The following ZNF667 variants were observed in gnomAD, a reference collection of about 807,000 sequenced individuals.
The protein encoded by ZNF667 is myocardial ischemic preconditioning upregulated 1 ortholog.
A neutral mutation model predicts 31.8 loss-of-function variants in ZNF667; 13 were observed. The ratio of observed to expected loss-of-function variants is 0.41; its 90% CI spans 0.27 to 0.65. The LOEUF is 0.65. ZNF667 is among the 30% of genes least tolerant of loss of function. The pLI, the probability that ZNF667 is intolerant of heterozygous loss-of-function variation, is 0.32. For synonymous variants in ZNF667, 228 were observed against 247.1 expected (o/e 0.92, Z 0.73); for missense variants, 642 against 725.6 (o/e 0.88, Z 1.32).
chr19:56,472,619 T>TC (rs34832102), intron 2 of ZNF667: 89,265 of 151,932 alleles, frequency 0.59, 26,992 homozygotes, highest in Middle Eastern at 0.72. Flanking sequence ...TGAAAACCAC[T>TC]CTACTTCATG....
At chr19:56,470,005 T>C (rs759522526) in intron 3 of ZNF667, 4 of 463,102 alleles carry the variant, frequency 8.6e-6, no homozygotes, top group Non-Finnish European at 1.3e-5. Context: ...ATTTGCCTTC[T>C]GGCTTTATCT....
chr19:56,466,854 T>C (rs1183153390), intron 3 of ZNF667: 1 of 377,710 alleles, frequency 2.6e-6, no homozygotes, highest in Admixed American at 3.1e-5. Context: ...CTTTAGTGAG[T>C]GCATCTGCAC....
intron 6 of ZNF667, among the ~76,000 whole-genome samples, chr19:56,452,646 G>A (rs1445603628): frequency 1.3e-5 from 2 of 152,044 alleles, no homozygotes; most frequent in South Asian, 2.1e-4. Context: ...GAGCCTGGGC[G>A]CGGTGGCTCA....
intron 6 of ZNF667, chr19:56,444,091 A>T: frequency 2.5e-6 from 1 of 396,042 alleles, no homozygotes; most frequent in Non-Finnish European, 4.5e-6. Flanking sequence ...TATGTTGGAT[A>T]TATTAGGTTA....
chr19:56,441,843 T>C lies in ZNF667; in HGVS notation c.1152A>G (p.Lys384=). The C allele has an allele frequency of 1.2e-6, 2 of 1,614,130 alleles. No homozygotes were observed. Among genetic ancestry groups the C allele is most frequent in the Non-Finnish European group, 1.7e-6 (2 of 1,180,024 alleles). ...TCTCACATTTATTGCATCTGTATAG[T>C]TTTTCTCCATTATGAATTCTTAGAT... is the stretch of plus-strand genomic sequence containing the variant. The part of the protein sequence containing the change: ...ILHLRIHNGE[K]LYRCNKCEKV... Residue 384 remains lysine (K), a synonymous_variant, in exon 7 of 7, where the codon AAA becomes AAG. Transcript: ENST00000504904. The surrounding 1 kb of genome is among the most constrained non-coding windows in gnomAD (Gnocchi z 4.2).
At position 56,439,505 on chromosome 19, in the gene ZNF667, G is replaced by C. The variant is rs2042560370; in HGVS notation, c.*1657C>G. 6.6e-6 allele frequency: 1 copy of C among 152,234 alleles called. No homozygotes were observed. Among genetic ancestry groups the C allele is most frequent in the Non-Finnish European group, 1.5e-5 (1 of 68,058 alleles). The allele number at this position is 152,234 out of a possible 1,614,324, so 9.4% of individuals were successfully genotyped here. ...CATAACAAAACATCATAGACTGGGT[G>C]GCTTAAACAACAATTTACTTCTCAC... On this transcript the variant is annotated 3_prime_UTR_variant, in exon 7 of 7. Transcript: ENST00000504904.
intron 3 of ZNF667, among the ~76,000 whole-genome samples, chr19:56,470,356 G>A (rs1041158398): frequency 2.0e-5 from 3 of 152,204 alleles, no homozygotes; most frequent in South Asian, 2.1e-4. Flanking sequence ...GGGCAGCAGC[G>A]TCACCTCCTC....
chr19:56,461,442 G>A (rs2043042958), intron 4 of ZNF667, among the ~76,000 whole-genome samples: 1 of 152,112 alleles, frequency 6.6e-6, no homozygotes, highest in Non-Finnish European at 1.5e-5. Context: ...AGGGTCAGGT[G>A]GAAAGTGTAG....
At chr19:56,473,616 T>C (rs2043339681) in intron 2 of ZNF667, among the ~76,000 whole-genome samples, 3 of 152,168 alleles carry the variant, frequency 2.0e-5, no homozygotes, top group Middle Eastern at 6.8e-3. Context: ...CATCTGGGAG[T>C]AGGGGTGCCC....
In ZNF667 at chr19:56,440,132, A is replaced by G. The variant is rs1034939981; in HGVS notation, c.*1030T>C. ...ATAAACATTCAGTCCATAACAACTC[A>G]TATTACACCACTTATTGCATACCAG... On this transcript the variant is annotated 3_prime_UTR_variant, in exon 7 of 7. Coordinates refer to ENST00000504904, the MANE Select transcript of ZNF667 (RefSeq NM_001321356.2). The G allele has an allele frequency of 6.6e-6, 1 of 152,222 alleles. No individual in the cohort carries two copies. The highest frequency in any genetic ancestry group is 1.5e-5 in the Non-Finnish European group (1 of 68,038). 9.4% of individuals were successfully genotyped at this position (152,222 alleles called of 1,614,324 possible).
At chr19:56,467,396 A>T (rs2043186353) in intron 3 of ZNF667, among the ~76,000 whole-genome samples, 1 of 152,048 alleles carries the variant, frequency 6.6e-6, no homozygotes. Flanking sequence ...AAACACACAA[A>T]CCATTTTTCC....
intron 3 of ZNF667, among the ~76,000 whole-genome samples, chr19:56,464,205 TCA>T (rs1456138547): frequency 1.3e-5 from 2 of 152,266 alleles, no homozygotes; most frequent in African/African-American, 2.4e-5. Context: ...TTTGATATAG[TCA>T]GTTAAATGTT....
At chr19:56,476,978 C>T (rs975763593) in intron 1 of ZNF667, 1 of 152,740 alleles carries the variant, frequency 6.5e-6, no homozygotes, top group Non-Finnish European at 1.5e-5. Context: ...CATCCGCGGT[C>T]CCGACATAGC....
chr19:56,456,391 G>C (rs1196917149), intron 6 of ZNF667, among the ~76,000 whole-genome samples: 1 of 152,186 alleles, frequency 6.6e-6, no homozygotes, highest in East Asian at 1.9e-4. Flanking sequence ...TCCCTGTGCA[G>C]TCACACAGGC....
At chr19:56,472,702 T>C (rs2043317850) in intron 2 of ZNF667, 1 of 152,230 alleles carries the variant, frequency 6.6e-6, no homozygotes, top group African/African-American at 2.4e-5. Context: ...AAGAATAGAG[T>C]ATGCAATACA....
chr19:56,446,299 G>A (rs1040567323), intron 6 of ZNF667, among the ~76,000 whole-genome samples: 11 of 152,164 alleles, frequency 7.2e-5, no homozygotes, highest in Middle Eastern at 3.2e-3. Flanking sequence ...AATAATGTGC[G>A]AGATTTCTGG....
rs145953536 is a variant in ZNF667 at position 56,449,523 on chromosome 19, T to C, written c.254-6782A>G. On this transcript the variant is annotated intron_variant, in intron 6 of 6. Transcript: ENST00000504904. Reference sequence around the variant, plus strand: ...GGTGAAACCCCGTCTCTACTAAAAATAAAAAAAAATTAGCTGGGCATAGTG... The same window carrying C: ...GGTGAAACCCCGTCTCTACTAAAAACAAAAAAAAATTAGCTGGGCATAGTG... 1.4e-3 allele frequency: 387 copies of C among 276,404 alleles called. 1 individual carries two copies. The highest frequency in any genetic ancestry group is 8.2e-3 in the African/African-American group (356 of 43,204). 17.1% of individuals were successfully genotyped at this position (276,404 alleles called of 1,614,324 possible).
In ZNF667 at chr19:56,440,262, C is replaced by G. The variant is rs1207942706; in HGVS notation, c.*900G>C. 1.3e-5 allele frequency: 2 copies of G among 152,162 alleles called. No homozygotes were observed. Among genetic ancestry groups the G allele is most frequent in the Non-Finnish European group, 2.9e-5 (2 of 68,034 alleles). The allele number at this position is 152,162 out of a possible 1,614,324, so 9.4% of individuals were successfully genotyped here. ...CTGGCTCTGAAATCCTCATTCTTCA[C>G]TATATCTTGGTTCTTTTACTGATAG... On this transcript the variant is annotated 3_prime_UTR_variant, in exon 7 of 7. Coordinates refer to ENST00000504904, the MANE Select transcript of ZNF667 (RefSeq NM_001321356.2).
chr19:56,451,897 A>C (rs1470694915), intron 6 of ZNF667, among the ~76,000 whole-genome samples: 7 of 149,980 alleles, frequency 4.7e-5, no homozygotes, highest in East Asian at 1.9e-4. Flanking sequence ...AAAAAAAAAA[A>C]AACTTTCAAA....
Sources: allele counts gnomAD v4.1 joint callset (sites outside exome capture counted in the v4.1 genomes callset), GRCh38; gene constraint gnomAD v4.1.1; non-coding constraint Gnocchi (gnomAD v3.1); transcripts MANE v1.5; gene names NCBI Gene and HGNC (gene_info 2026-07-23, HGNC 2026-07-21).